The following EPHA10 variants were observed in gnomAD, a reference collection of about 807,000 sequenced individuals.
EPHA10 encodes the protein ephrin type-A receptor 10.
In EPHA10, 120 loss-of-function variants were observed where a neutral mutation model predicts 109.7. That is an observed-to-expected ratio of 1.09 (90% confidence interval 0.94 to 1.27). The LOEUF (loss-of-function observed/expected upper bound fraction) is 1.27. Ranked by LOEUF, EPHA10 falls within the 50% of genes most tolerant of loss-of-function variation. The pLI is 0.00. For synonymous variants in EPHA10, 640 were observed against 618.9 expected (o/e 1.03, Z -0.51); for missense variants, 1,396 against 1,411.1 (o/e 0.99, Z 0.17).
intron 6 of EPHA10, among the ~76,000 whole-genome samples, chr1:37,733,783 A>C: frequency 6.6e-6 from 1 of 151,502 alleles, no homozygotes; most frequent in South Asian, 2.1e-4. Context: ...CTCTATGCTG[A>C]GAGCCCCCAA....
intron 5 of EPHA10, among the ~76,000 whole-genome samples, chr1:37,745,212 T>G (rs1419974768): frequency 6.6e-6 from 1 of 152,230 alleles, no homozygotes; most frequent in Non-Finnish European, 1.5e-5. Context: ...AAGGGTCTAG[T>G]GTCTGTAATA....
At chr1:37,752,645 G>A (rs1646345656) in intron 5 of EPHA10, among the ~76,000 whole-genome samples, 1 of 152,122 alleles carries the variant, frequency 6.6e-6, no homozygotes, top group South Asian at 2.1e-4. Flanking sequence ...TGGCCCAGTA[G>A]TAAGGGGACG....
chr1:37,736,086 A>G (rs1012906716), intron 5 of EPHA10, among the ~76,000 whole-genome samples: 1 of 152,246 alleles, frequency 6.6e-6, no homozygotes, highest in African/African-American at 2.4e-5. Context: ...ACATGATCTT[A>G]TATGTAGAAA....
chr1:37,762,047 G>C lies in EPHA10; in HGVS notation c.208C>G (p.Pro70Ala). The change falls in exon 3 of 17, where the codon CCC (proline) becomes GCC (alanine). Residue 70 changes from proline (P) to alanine (A), a missense_variant. Pro to Ala is a conservative substitution (Grantham distance 27). Transcript: ENST00000373048. ...EISGVDEHDR[P>A]IRTYQVCNVL... ...TTGCACACTTGGTACGTGCGGATGG[G>C]ACGGTCGTGTTCATCCACGCCGCTG... 6.2e-7 allele frequency: 1 copy of C among 1,606,232 alleles called. No homozygotes were observed. Among genetic ancestry groups the C allele is most frequent in the Non-Finnish European group, 8.5e-7 (1 of 1,175,226 alleles).
intron 2 of EPHA10, 50 bp downstream of exon 2, chr1:37,762,735 C>G: frequency 6.6e-7 from 1 of 1,504,324 alleles, no homozygotes. Context: ...AGACTGTGTC[C>G]TGGACCACCA....
chr1:37,743,308 A>C (rs1288488703), intron 5 of EPHA10, among the ~76,000 whole-genome samples: 3 of 152,198 alleles, frequency 2.0e-5, no homozygotes, highest in Non-Finnish European at 4.4e-5. Context: ...AAGAAGAAAG[A>C]AAACACAGCC....
At chr1:37,749,209 C>T (rs1158397519) in intron 5 of EPHA10, among the ~76,000 whole-genome samples, 1 of 151,310 alleles carries the variant, frequency 6.6e-6, no homozygotes, top group Non-Finnish European at 1.5e-5. Context: ...AGGCGTGAGC[C>T]ACTGTGCCCA....
chr1:37,750,861 C>T (rs904019879), intron 5 of EPHA10, among the ~76,000 whole-genome samples: 2 of 151,336 alleles, frequency 1.3e-5, no homozygotes, highest in Non-Finnish European at 3.0e-5. Context: ...AAAACTTTTC[C>T]CGGGAAAAAA....
At chr1:37,719,310 T>C (rs1159599154) in intron 15 of EPHA10, 104 bp downstream of exon 15, 1 of 1,346,774 alleles carries the variant, frequency 7.4e-7, no homozygotes, top group Non-Finnish European at 1.0e-6. Context: ...GAACAATTGC[T>C]CTTGGACAGG....
At chr1:37,750,356 G>A (rs919111774) in intron 5 of EPHA10, among the ~76,000 whole-genome samples, 1 of 152,094 alleles carries the variant, frequency 6.6e-6, no homozygotes, top group African/African-American at 2.4e-5. Flanking sequence ...AATAGCAAAT[G>A]TTAAATCACA....
intron 7 of EPHA10, among the ~76,000 whole-genome samples, chr1:37,727,879 G>A (rs980576726): frequency 1.4e-4 from 22 of 152,158 alleles, no homozygotes; most frequent in African/African-American, 4.8e-4. Flanking sequence ...CTCGCTCTCA[G>A]CCCTATTCAT....
chr1:37,762,060 AT>A lies in EPHA10; in HGVS notation c.194del (p.Asp65ValfsTer29), dbSNP rs777607784. On this transcript the variant is annotated frameshift_variant, in exon 3 of 17. Coordinates refer to ENST00000373048, the MANE Select transcript of EPHA10 (RefSeq NM_001099439.2). LOFTEE classifies it high-confidence loss of function. ...SNGWEEISGV[D>X]EHDRPIRTYQ... ...ACGTGCGGATGGGACGGTCGTGTTC[AT>A]CCACGCCGCTGATCTCCTCCCACTG... is the stretch of plus-strand genomic sequence containing the variant. 2 of 1,595,992 alleles carry A rather than the reference AT, an allele frequency of 1.3e-6. No individual in the cohort carries two copies. The highest frequency in any genetic ancestry group is 4.5e-5 in the East Asian group (2 of 44,650).
Position 37,762,025 on chromosome 1 carries a change from C to T in EPHA10, c.230G>A (p.Cys77Tyr). The stretch of plus-strand genomic sequence containing the variant: ...GTCCTGGTTGGGCTCCAGCACATTG[C>T]ACACTTGGTACGTGCGGATGGGACG... The part of the protein sequence containing the change: ...HDRPIRTYQV[C>Y]NVLEPNQDNW... The change falls in exon 3 of 17, where the codon TGC becomes TAC. Residue 77 changes from cysteine to tyrosine, a missense_variant. Physicochemically the swap from Cys to Tyr is radical, Grantham distance 194. Transcript: ENST00000373048. 1 of 1,613,474 alleles carries T rather than the reference C, an allele frequency of 6.2e-7. No homozygotes were observed. Among genetic ancestry groups the T allele is most frequent in the East Asian group, 2.2e-5 (1 of 44,882 alleles).
rs759710427 is a variant in EPHA10 at position 37,723,092 on chromosome 1, C to T, written c.1909G>A (p.Ala637Thr). 183 of 1,614,200 alleles carry T rather than the reference C, an allele frequency of 1.1e-4. No homozygotes were observed. Among genetic ancestry groups the T allele is most frequent in the Middle Eastern group, 8.2e-4 (5 of 6,062 alleles). The change falls in exon 10 of 17, where the codon GCC becomes ACC. Residue 637 changes from alanine to threonine, a missense_variant. By Grantham distance (58) the Ala-to-Thr change is moderately conservative (BLOSUM62 0). Coordinates refer to ENST00000373048, the MANE Select transcript of EPHA10 (RefSeq NM_001099439.2). ...GDLLQAVHLF[A>T]KELDAKSVTL... ...ACGCTTTTCGCATCCAGTTCCTTGG[C>T]GAACAGATGCACAGCCTGCAGCAGG...
At chr1:37,735,106 G>A (rs990581756) in intron 6 of EPHA10, 151 bp downstream of exon 6, 2 of 866,566 alleles carry the variant, frequency 2.3e-6, no homozygotes, top group Middle Eastern at 3.4e-4. Flanking sequence ...GGGAGGAGGG[G>A]GAGACTCGAG....
At chr1:37,734,808 T>C in intron 6 of EPHA10, 1 of 340,412 alleles carries the variant, frequency 2.9e-6, no homozygotes, top group South Asian at 2.3e-5. Context: ...CTCATACATT[T>C]ATTGTTCTGG....
At chr1:37,732,131 C>A (rs544539997) in intron 6 of EPHA10, among the ~76,000 whole-genome samples, 1 of 152,294 alleles carries the variant, frequency 6.6e-6, no homozygotes, top group South Asian at 2.1e-4. Flanking sequence ...AAAGACTCCC[C>A]CAAGGCCCCA....
intron 14 of EPHA10, 88 bp from the exon 15 acceptor site, chr1:37,719,695 C>T: frequency 6.8e-7 from 1 of 1,474,558 alleles, no homozygotes; most frequent in East Asian, 2.3e-5. Flanking sequence ...CACACAGACA[C>T]AGACACACAC....
chr1:37,761,739 C>T lies in EPHA10; in HGVS notation c.516G>A (p.Lys172=). The T allele has an allele frequency of 6.2e-7, 1 of 1,613,858 alleles. No individual in the cohort carries two copies. Among genetic ancestry groups the T allele is most frequent in the South Asian group, 1.1e-5 (1 of 91,070 alleles). ...CGATCTCGCGCACCTCTGTGTTCAG[C>T]TTCATCTTGCGCTCACCCAGGTCGC... is the stretch of plus-strand genomic sequence containing the variant. ...TQGDLGERKM[K]LNTEVREIGP... The change falls in exon 3 of 17, where the codon AAG becomes AAA. Residue 172 remains lysine, a synonymous_variant. Coordinates refer to ENST00000373048, the MANE Select transcript of EPHA10 (RefSeq NM_001099439.2).
Sources: allele counts gnomAD v4.1 joint callset (sites outside exome capture counted in the v4.1 genomes callset), GRCh38; gene constraint gnomAD v4.1.1; transcripts MANE v1.5; gene names NCBI Gene and HGNC (gene_info 2026-07-23, HGNC 2026-07-21).